Variants in ARB2A observed in about 807,000 individuals in gnomAD.
The protein encoded by ARB2A is cotranscriptional regulator ARB2A.
chr5:93,942,804 T>A, the ARB2A span, among the ~76,000 whole-genome samples: 17 of 152,208 alleles, frequency 1.1e-4, no homozygotes, highest in East Asian at 3.3e-3. Context: ...TGCATAAACT[T>A]CCAGGAACAT....
At chr5:93,757,359 A>ATTG in the ARB2A span, among the ~76,000 whole-genome samples, 1 of 152,220 alleles carries the variant, frequency 6.6e-6, no homozygotes, top group Non-Finnish European at 1.5e-5. Flanking sequence ...AGACATCCAA[A>ATTG]TACAAGATGC....
At chr5:93,865,169 C>T in the ARB2A span, among the ~76,000 whole-genome samples, 2 of 152,226 alleles carry the variant, frequency 1.3e-5, no homozygotes, top group South Asian at 2.1e-4. Context: ...GCAAGCTCTG[C>T]GTCCCGGGTT....
At chr5:93,844,812 T>C in the ARB2A span, among the ~76,000 whole-genome samples, 1 of 152,220 alleles carries the variant, frequency 6.6e-6, no homozygotes, top group Non-Finnish European at 1.5e-5. Context: ...TATATTATCA[T>C]TTAAGACATA....
At chr5:93,653,311 A>G in the ARB2A span, among the ~76,000 whole-genome samples, 27 of 151,600 alleles carry the variant, frequency 1.8e-4, no homozygotes, top group African/African-American at 4.6e-4. Flanking sequence ...GGTCGAGACC[A>G]TCCTGGCTAA....
At chr5:94,029,555 T>A in the ARB2A span, among the ~76,000 whole-genome samples, 1 of 152,184 alleles carries the variant, frequency 6.6e-6, no homozygotes, top group Non-Finnish European at 1.5e-5. Flanking sequence ...TAAAAGAAGA[T>A]TCACAGTTAA....
the ARB2A span, among the ~76,000 whole-genome samples, chr5:93,742,483 A>G: frequency 6.6e-6 from 1 of 152,170 alleles, no homozygotes; most frequent in Non-Finnish European, 1.5e-5. Flanking sequence ...TCATGCCCCT[A>G]GCTCAGGCAT....
the ARB2A span, among the ~76,000 whole-genome samples, chr5:94,009,364 A>G: frequency 6.6e-6 from 1 of 152,116 alleles, no homozygotes; most frequent in East Asian, 1.9e-4. Flanking sequence ...CCTCATCAGC[A>G]TTATTTCTTT....
At chr5:93,812,085 C>T in the ARB2A span, among the ~76,000 whole-genome samples, 5 of 152,194 alleles carry the variant, frequency 3.3e-5, no homozygotes, top group African/African-American at 9.6e-5. Flanking sequence ...AGAGTAAACA[C>T]ACATGCTACC....
chr5:93,780,562 T>C, the ARB2A span, among the ~76,000 whole-genome samples: 1 of 146,512 alleles, frequency 6.8e-6, no homozygotes, highest in Non-Finnish European at 1.5e-5. Flanking sequence ...CCTCCCTCTC[T>C]TTCTCTCTTT....
At chr5:93,773,194 G>C in the ARB2A span, among the ~76,000 whole-genome samples, 4 of 152,164 alleles carry the variant, frequency 2.6e-5, no homozygotes, top group Non-Finnish European at 4.4e-5. Context: ...GTTCCAAAAA[G>C]GAGATATGTT....
At chr5:93,992,792 T>C in the ARB2A span, among the ~76,000 whole-genome samples, 1 of 152,102 alleles carries the variant, frequency 6.6e-6, no homozygotes, top group Non-Finnish European at 1.5e-5. Context: ...CAGATTGGAC[T>C]ATATCAAAAG....
At chr5:93,937,277 G>C in the ARB2A span, among the ~76,000 whole-genome samples, 2 of 151,838 alleles carry the variant, frequency 1.3e-5, no homozygotes, top group East Asian at 1.9e-4. Flanking sequence ...GTCTGTGTGG[G>C]TGGGGGGAGG....
chr5:93,620,782 G>A, the ARB2A span: 1 of 542,582 alleles, frequency 1.8e-6, no homozygotes, highest in South Asian at 5.4e-5. Flanking sequence ...CAGCCCGCAG[G>A]AAGCACGACC....
the ARB2A span, among the ~76,000 whole-genome samples, chr5:93,761,347 C>T: frequency 3.3e-5 from 5 of 152,192 alleles, no homozygotes; most frequent in Non-Finnish European, 7.3e-5. Flanking sequence ...AAAATCGGGT[C>T]ACTCTCACCC....
chr5:93,628,977 G>A, the ARB2A span, among the ~76,000 whole-genome samples: 1 of 152,110 alleles, frequency 6.6e-6, no homozygotes, highest in East Asian at 1.9e-4. Flanking sequence ...TAACTGTTTT[G>A]CAAGAGGCCT....
At chr5:93,645,452 T>C in the ARB2A span, among the ~76,000 whole-genome samples, 3 of 152,112 alleles carry the variant, frequency 2.0e-5, no homozygotes, top group African/African-American at 7.2e-5. Context: ...CGTGCACCTG[T>C]AGTCCCAGCT....
the ARB2A span, among the ~76,000 whole-genome samples, chr5:93,985,186 T>A: frequency 1.3e-5 from 2 of 152,330 alleles, no homozygotes; most frequent in South Asian, 2.1e-4. Flanking sequence ...TGTGCTGTGT[T>A]ACTTTATCAC....
the ARB2A span, among the ~76,000 whole-genome samples, chr5:93,827,514 A>G: frequency 2.6e-5 from 4 of 152,302 alleles, no homozygotes; most frequent in South Asian, 2.1e-4. Context: ...TCAGATGAGT[A>G]GATTGCAAAA....
chr5:93,833,118 T>C, the ARB2A span, among the ~76,000 whole-genome samples: 1 of 152,214 alleles, frequency 6.6e-6, no homozygotes, highest in Non-Finnish European at 1.5e-5. Context: ...CATTGGTTCT[T>C]CTCTACTCTA....
Sources: gnomAD v4.1 joint callset for allele counts (sites outside exome capture counted in the v4.1 genomes callset) on GRCh38, gnomAD v4.1.1 for gene constraint, MANE v1.5 for transcripts, NCBI Gene and HGNC (gene_info 2026-07-23, HGNC 2026-07-21) for gene names.